The following MYLK variants were observed in gnomAD, a reference collection of about 807,000 sequenced individuals.
The protein encoded by MYLK is myosin light chain kinase, smooth muscle.
A neutral mutation model predicts 203.4 loss-of-function variants in MYLK; 106 were observed. The ratio of observed to expected loss-of-function variants is 0.52; its 90% CI spans 0.45 to 0.61. The LOEUF is 0.61. Ranked by LOEUF, MYLK falls within the 20% of genes least tolerant of loss-of-function variation. The pLI, the probability that MYLK is intolerant of heterozygous loss-of-function variation, is 0.00. For missense variants in MYLK, 2,072 were observed against 2,442.3 expected (o/e 0.85, Z 3.20); for synonymous variants, 867 against 959.5 (o/e 0.90, Z 1.78).
chr3:123,728,832 T>TC (rs1283270282), intron 11 of MYLK, among the ~76,000 whole-genome samples: 1 of 152,184 alleles, frequency 6.6e-6, no homozygotes, highest in Non-Finnish European at 1.5e-5. Context: ...CTTCAACGAC[T>TC]CCATTTTCCG....
rs764348039 is a variant in MYLK, at chr3:123,700,472, C to A, written c.2996G>T (p.Ser999Ile). The A allele has an allele frequency of 1.9e-6, 3 of 1,607,798 alleles. No homozygotes were observed. The highest frequency in any genetic ancestry group is 2.6e-6 in the Non-Finnish European group (3 of 1,175,728). The stretch of plus-strand genomic sequence containing the variant: ...TGCCTTGGCATTCAGGGTCTCGGCA[C>A]TGCTGCTGCCATTCTCTGCTGGTAA... ...KKLPAENGSS[S>I]AETLNAKAVE... Residue 999 changes from serine to isoleucine, a missense_variant, in exon 18 of 34, where the codon AGT becomes ATT. Physicochemically the swap from Ser to Ile is moderately radical, Grantham distance 142. Coordinates refer to ENST00000360304, the MANE Select transcript of MYLK (RefSeq NM_053025.4).
At chr3:123,685,160 G>A (rs1337101993) in intron 19 of MYLK, among the ~76,000 whole-genome samples, 3 of 152,312 alleles carry the variant, frequency 2.0e-5, no homozygotes, top group Middle Eastern at 3.4e-3. Context: ...CAGCAACCTT[G>A]GGAACTTGGG....
chr3:123,778,381 C>T (rs1167858731), intron 4 of MYLK, among the ~76,000 whole-genome samples: 1 of 151,958 alleles, frequency 6.6e-6, no homozygotes, highest in Non-Finnish European at 1.5e-5. Flanking sequence ...AGCGTGGTGG[C>T]AGGCGCCTGT....
At chr3:123,811,579 G>A (rs1360848731) in intron 3 of MYLK, among the ~76,000 whole-genome samples, 1 of 152,142 alleles carries the variant, frequency 6.6e-6, no homozygotes. Flanking sequence ...CCCTACCGGG[G>A]ACACTGTGCT....
intron 4 of MYLK, among the ~76,000 whole-genome samples, chr3:123,784,604 T>C (rs1174350170): frequency 6.6e-6 from 1 of 152,204 alleles, no homozygotes; most frequent in Non-Finnish European, 1.5e-5. Context: ...AGGATTTACT[T>C]TCTGTACTGT....
intron 23 of MYLK, among the ~76,000 whole-genome samples, chr3:123,657,847 C>T (rs375981801): frequency 6.6e-6 from 1 of 152,182 alleles, no homozygotes; most frequent in Admixed American, 6.5e-5. Flanking sequence ...GGCCCTTGGC[C>T]AATGACCTGT....
At chr3:123,837,303 T>C (rs554318826) in intron 2 of MYLK, among the ~76,000 whole-genome samples, 3 of 152,238 alleles carry the variant, frequency 2.0e-5, no homozygotes, top group South Asian at 2.1e-4. Flanking sequence ...AGTGCTGGGA[T>C]TACAGGTATG....
Position 123,683,869 on chromosome 3 carries a change from C to T in MYLK, c.3566-1559G>A, listed in dbSNP as rs1296200012. Among the ~76,000 whole-genome samples the T allele has an allele frequency of 5.9e-5, 9 of 152,156 alleles. No individual in the cohort carries two copies. The South Asian group carries it at 1.7e-3, about 28-fold the overall frequency. On this transcript the variant is annotated intron_variant, in intron 19 of 33. Coordinates refer to ENST00000360304, the MANE Select transcript of MYLK (RefSeq NM_053025.4). ...TCAAGTAGCACTTGACACCAAAACG[C>T]TCCCTTGCCTCCACTCCCCACTGCA...
At chr3:123,844,255 G>A (rs2066658303) in intron 2 of MYLK, among the ~76,000 whole-genome samples, 1 of 152,144 alleles carries the variant, frequency 6.6e-6, no homozygotes. Flanking sequence ...TGAGGGGTAG[G>A]AGGAGCAGGA....
intron 3 of MYLK, among the ~76,000 whole-genome samples, chr3:123,803,045 C>G (rs1177232470): frequency 6.6e-6 from 1 of 152,128 alleles, no homozygotes; most frequent in East Asian, 1.9e-4. Flanking sequence ...AGCCTCACAA[C>G]CCTTAGCCCA....
intron 2 of MYLK, among the ~76,000 whole-genome samples, chr3:123,832,875 G>C (rs2066376361): frequency 1.3e-5 from 2 of 152,172 alleles, no homozygotes; most frequent in African/African-American, 4.8e-5. Context: ...AGCACAGATA[G>C]ACTAAGACAG....
At chr3:123,690,544 G>T (rs1196065623) in intron 19 of MYLK, among the ~76,000 whole-genome samples, 1 of 152,142 alleles carries the variant, frequency 6.6e-6, no homozygotes. Flanking sequence ...AGCACCAGAC[G>T]ATAGAAAGGC....
At position 123,699,886 on chromosome 3, in the gene MYLK, C is replaced by A; in HGVS notation, c.3448+134G>T. ...GGACGCGGCCCTCCTACCCAGCAGG[C>A]CCTCCTACCTGCTAAACCAGGTTAG... is the stretch of plus-strand genomic sequence containing the variant. On this transcript the variant is annotated intron_variant, in intron 18 of 33. Transcript: ENST00000360304. 4.2e-6 allele frequency: 5 copies of A among 1,176,768 alleles called. No individual in the cohort carries two copies. The East Asian group carries it at 7.0e-5, about 17-fold the overall frequency. 72.9% of individuals were successfully genotyped at this position (1,176,768 alleles called of 1,614,324 possible).
At chr3:123,739,249 C>G (rs1297570740) in intron 6 of MYLK, among the ~76,000 whole-genome samples, 187 bp from the exon 7 acceptor site, 1 of 152,246 alleles carries the variant, frequency 6.6e-6, no homozygotes, top group African/African-American at 2.4e-5. Flanking sequence ...CCTATTTCCT[C>G]TACCTCTTGG....
chr3:123,711,804 G>A (rs766651845), intron 13 of MYLK, among the ~76,000 whole-genome samples: 4 of 152,194 alleles, frequency 2.6e-5, no homozygotes, highest in Non-Finnish European at 4.4e-5. Flanking sequence ...TCTCAACACA[G>A]GACCACAAAT....
At chr3:123,715,155 A>C (rs2061848774) in intron 13 of MYLK, among the ~76,000 whole-genome samples, 1 of 152,200 alleles carries the variant, frequency 6.6e-6, no homozygotes, top group Non-Finnish European at 1.5e-5. Context: ...TTTTTGACTC[A>C]CTAGAAGTTG....
intron 18 of MYLK, chr3:123,693,721 G>A (rs1291072553): frequency 2.0e-5 from 3 of 152,292 alleles, no homozygotes; most frequent in Non-Finnish European, 4.4e-5. Context: ...TCCCAGAACT[G>A]GTTACTTCTC....
chr3:123,666,962 GC>G, intron 21 of MYLK, 174 bp downstream of exon 21: 1 of 657,454 alleles, frequency 1.5e-6, no homozygotes, highest in Non-Finnish European at 2.7e-6. Flanking sequence ...CTGTGCAGAG[GC>G]TCTCCATGAG....
intron 4 of MYLK, among the ~76,000 whole-genome samples, chr3:123,760,392 G>A (rs2063497132): frequency 6.6e-6 from 1 of 152,058 alleles, no homozygotes; most frequent in African/African-American, 2.4e-5. Context: ...TGGTCAGGCT[G>A]GTCTTGAACT....
Sources: allele counts gnomAD v4.1 joint callset (sites outside exome capture counted in the v4.1 genomes callset), GRCh38; gene constraint gnomAD v4.1.1; transcripts MANE v1.5; gene names NCBI Gene and HGNC (gene_info 2026-07-23, HGNC 2026-07-21).